THSD7B: variants seen among roughly 807,000 people sequenced by gnomAD.
THSD7B encodes the protein thrombospondin type-1 domain-containing protein 7B.
In THSD7B, 138 loss-of-function variants were observed where a neutral mutation model predicts 213.6. That is an observed-to-expected ratio of 0.65 (90% CI 0.56 to 0.74). The LOEUF is 0.74. Among genes scored for constraint, THSD7B ranks in the 30% least tolerant of loss-of-function variants. The pLI is 0.00. For missense variants in THSD7B, 1,931 were observed against 1,991.5 expected (o/e 0.97, Z 0.58); for synonymous variants, 742 against 687.0 (o/e 1.08, Z -1.25).
intron 4 of THSD7B, among the ~76,000 whole-genome samples, chr2:137,111,148 A>G (rs143953455): frequency 9.6e-4 from 146 of 152,346 alleles, no homozygotes; most frequent in African/African-American, 3.3e-3. Context: ...CTCTCATTAT[A>G]AAATGATTAT....
chr2:136,879,614 C>T (rs1387973736), intron 1 of THSD7B, among the ~76,000 whole-genome samples: 1 of 152,046 alleles, frequency 6.6e-6, no homozygotes, highest in Non-Finnish European at 1.5e-5. Flanking sequence ...TTGTAGTTCT[C>T]CTTGAAGAGG....
chr2:137,636,641 A>AT (rs1033933531), intron 20 of THSD7B, among the ~76,000 whole-genome samples: 12 of 151,982 alleles, frequency 7.9e-5, no homozygotes, highest in African/African-American at 2.4e-4. Flanking sequence ...TTTAAGTGGC[A>AT]TTTTTTTTCT....
At position 137,119,823 on chromosome 2, in the gene THSD7B, A is replaced by G. The variant is rs1573835082; in HGVS notation, c.1369+4530A>G. Among the ~76,000 whole-genome samples the G allele has an allele frequency of 2.0e-5, 3 of 152,214 alleles. No homozygotes were observed. The East Asian group carries it at 5.8e-4, about 29-fold the overall frequency. On this transcript the variant is annotated intron_variant, in intron 5 of 27. Transcript: ENST00000409968. ...GTTATCATATCCTATGTGTAAATGT[A>G]TCTGACTATCCAGGAAGTTTTTGAG...
intron 27 of THSD7B, among the ~76,000 whole-genome samples, chr2:137,669,675 G>A (rs569022676): frequency 1.3e-5 from 2 of 152,052 alleles, no homozygotes; most frequent in Non-Finnish European, 2.9e-5. Context: ...CCCAGTGTAA[G>A]GTAATTAGAT....
intron 14 of THSD7B, among the ~76,000 whole-genome samples, chr2:137,450,047 G>A (rs549728811): frequency 1.6e-3 from 245 of 152,244 alleles, no homozygotes; most frequent in African/African-American, 5.5e-3. Context: ...GAAATTGATG[G>A]CCTCAGTTTT....
chr2:136,787,268 AT>A (rs1291595876), intron 1 of THSD7B, among the ~76,000 whole-genome samples: 1 of 151,900 alleles, frequency 6.6e-6, no homozygotes, highest in African/African-American at 2.4e-5. Context: ...CAGTTGGAAT[AT>A]TTTTTTCTTT....
intron 15 of THSD7B, among the ~76,000 whole-genome samples, chr2:137,556,588 A>G (rs1369297804): frequency 6.6e-6 from 1 of 152,248 alleles, no homozygotes; most frequent in Non-Finnish European, 1.5e-5. Context: ...CTGCAAAAAC[A>G]TGCCAAATTG....
intron 1 of THSD7B, among the ~76,000 whole-genome samples, chr2:136,876,017 A>G (rs1007838417): frequency 1.3e-5 from 2 of 151,994 alleles, no homozygotes; most frequent in African/African-American, 4.8e-5. Flanking sequence ...TTTAGTTTTC[A>G]TGGTAGTGAT....
At chr2:136,830,022 G>A (rs1287109295) in intron 1 of THSD7B, among the ~76,000 whole-genome samples, 1 of 151,930 alleles carries the variant, frequency 6.6e-6, no homozygotes, top group Admixed American at 6.6e-5. Flanking sequence ...GTGTGGCTTA[G>A]TTTATGTTCA....
chr2:137,505,859 C>T (rs534654703), intron 15 of THSD7B, among the ~76,000 whole-genome samples: 10 of 152,264 alleles, frequency 6.6e-5, no homozygotes, highest in African/African-American at 2.4e-4. Flanking sequence ...TCATGGTTTT[C>T]CAGGGAAGAA....
At chr2:137,503,404 C>A (rs1679755842) in intron 15 of THSD7B, among the ~76,000 whole-genome samples, 1 of 152,150 alleles carries the variant, frequency 6.6e-6, no homozygotes, top group Non-Finnish European at 1.5e-5. Flanking sequence ...AGCTATTCCC[C>A]ATTTTAAGCT....
intron 1 of THSD7B, among the ~76,000 whole-genome samples, chr2:136,780,257 C>CAT (rs200688632): frequency 0.03 from 4,637 of 152,174 alleles, 157 homozygotes; most frequent in East Asian, 0.17. Context: ...GAGGGAGGAA[C>CAT]ATTGCGTCCT....
In THSD7B at chr2:137,401,293, T is replaced by C. The variant is rs1450405701; in HGVS notation, c.2501-4320T>C. ...CTTATTATCCCCATTTATGCTTAATTGTCTTCTTTTCTAATTTCCTTTGTG... is the reference window on the plus strand; with the variant it reads ...CTTATTATCCCCATTTATGCTTAATCGTCTTCTTTTCTAATTTCCTTTGTG... On this transcript the variant is annotated intron_variant, in intron 12 of 27. Coordinates refer to ENST00000409968, the MANE Select transcript of THSD7B (RefSeq NM_001316349.2). 2.6e-5 allele frequency among the ~76,000 whole-genome samples: 4 copies of C among 152,330 alleles called. No homozygotes were observed. The East Asian group carries it at 7.7e-4, about 29-fold the overall frequency.
chr2:137,361,416 G>T (rs539104927), intron 12 of THSD7B, among the ~76,000 whole-genome samples: 7 of 151,918 alleles, frequency 4.6e-5, no homozygotes, highest in Non-Finnish European at 1.0e-4. Context: ...TCAGAAAGTC[G>T]GTAATGATAA....
intron 12 of THSD7B, among the ~76,000 whole-genome samples, chr2:137,293,589 A>C (rs768801525): frequency 5.3e-5 from 8 of 151,904 alleles, no homozygotes; most frequent in Non-Finnish European, 1.2e-4. Context: ...CAATTTTAAA[A>C]CTTTAACTGA....
intron 2 of THSD7B, among the ~76,000 whole-genome samples, chr2:136,962,753 T>C (rs770968239): frequency 1.3e-5 from 2 of 152,202 alleles, no homozygotes; most frequent in African/African-American, 2.4e-5. Context: ...TTGAAAGCAC[T>C]ACAGAAAATA....
chr2:137,071,917 C>T (rs1180860022), intron 3 of THSD7B, among the ~76,000 whole-genome samples: 4 of 152,206 alleles, frequency 2.6e-5, no homozygotes, highest in Middle Eastern at 3.4e-3. Flanking sequence ...CAGATAGTTG[C>T]AGATATGCGG....
intron 17 of THSD7B, among the ~76,000 whole-genome samples, chr2:137,607,740 A>T (rs928420653): frequency 1.3e-5 from 2 of 152,170 alleles, no homozygotes; most frequent in Non-Finnish European, 2.9e-5. Flanking sequence ...CTGTAATATA[A>T]ACAGGTGACA....
intron 17 of THSD7B, among the ~76,000 whole-genome samples, chr2:137,574,994 T>G (rs1681429256): frequency 6.6e-6 from 1 of 152,068 alleles, no homozygotes; most frequent in African/African-American, 2.4e-5. Context: ...CCTTTGATAG[T>G]CTGCAGTGTG....
Sources: gnomAD v4.1 joint callset for allele counts (sites outside exome capture counted in the v4.1 genomes callset) on GRCh38, gnomAD v4.1.1 for gene constraint, MANE v1.5 for transcripts, NCBI Gene and HGNC (gene_info 2026-07-23, HGNC 2026-07-21) for gene names.